Variants in TPRG1 observed in about 807,000 individuals in gnomAD.
TPRG1 encodes the protein tumor protein p63 regulated 1.
Under a neutral mutation model 29.3 loss-of-function variants are expected in TPRG1, and 29 were observed. The ratio of observed to expected loss-of-function variants is 0.99; its 90% CI spans 0.74 to 1.35. TPRG1 has a LOEUF of 1.35. TPRG1 is among the 40% of genes most tolerant of loss of function. The pLI is 0.00. For synonymous variants in TPRG1, 130 were observed against 116.8 expected (o/e 1.11, Z -0.73); for missense variants, 327 against 335.0 (o/e 0.98, Z 0.19).
intron 4 of TPRG1, among the ~76,000 whole-genome samples, chr3:189,248,648 C>G (rs1177627124): frequency 3.3e-5 from 5 of 150,956 alleles, no homozygotes; most frequent in African/African-American, 1.2e-4. Flanking sequence ...TATTATATTT[C>G]ATATATCCTA....
chr3:189,018,668 G>A (rs1354091545), intron 3 of TPRG1, among the ~76,000 whole-genome samples: 2 of 151,426 alleles, frequency 1.3e-5, no homozygotes, highest in East Asian at 1.9e-4. Context: ...GTAGTGTGAT[G>A]CCTCCAGCTT....
chr3:189,076,923 CATAT>C (rs150949911), intron 4 of TPRG1, among the ~76,000 whole-genome samples: 13 of 140,624 alleles, frequency 9.2e-5, no homozygotes, highest in Admixed American at 4.2e-4. Flanking sequence ...TATATGTGTA[CATAT>C]ATATATATAT....
chr3:189,146,553 CTCTG>C (rs1439446721), intron 3 of TPRG1, among the ~76,000 whole-genome samples: 3 of 152,220 alleles, frequency 2.0e-5, no homozygotes, highest in African/African-American at 7.2e-5. Context: ...CGCCTTCCCA[CTCTG>C]TCTGTTGTAT....
chr3:189,196,704 G>A lies in TPRG1; in HGVS notation c.-9-10672G>A, dbSNP rs182972776. Among the ~76,000 whole-genome samples the A allele has an allele frequency of 5.9e-3, 901 of 152,178 alleles. 10 individuals carry two copies. Among genetic ancestry groups the A allele is most frequent in the African/African-American group, 0.019 (790 of 41,540 alleles). On this transcript the variant is annotated intron_variant, in intron 1 of 5. Transcript: ENST00000345063. ...CAATTCAAGATGAGATTTGGGTGGG[G>A]ACACAGCCAAATCATATCACACTGG... is the stretch of plus-strand genomic sequence containing the variant.
intron 1 of TPRG1, among the ~76,000 whole-genome samples, chr3:189,187,140 C>T (rs1468480880): frequency 6.6e-6 from 1 of 151,890 alleles, no homozygotes; most frequent in Non-Finnish European, 1.5e-5. Flanking sequence ...ATTCGCACCA[C>T]CACACTTGGC....
chr3:189,079,504 G>A (rs1350280360), intron 4 of TPRG1, among the ~76,000 whole-genome samples: 1 of 152,084 alleles, frequency 6.6e-6, no homozygotes, highest in Non-Finnish European at 1.5e-5. Flanking sequence ...CTGAATAAAT[G>A]ATTTTACTTT....
intron 5 of TPRG1, among the ~76,000 whole-genome samples, chr3:189,159,881 G>T (rs1727246801): frequency 7.5e-6 from 1 of 133,128 alleles, no homozygotes; most frequent in African/African-American, 2.6e-5. Context: ...GGTGGGGGTA[G>T]GGGTTCACGA....
At chr3:189,217,847 C>A in intron 3 of TPRG1, 3 of 985,290 alleles carry the variant, frequency 3.0e-6, no homozygotes, top group South Asian at 9.4e-5. Context: ...CATATTTAAG[C>A]CTTTTTGTTT....
intron 4 of TPRG1, among the ~76,000 whole-genome samples, chr3:189,301,128 T>G (rs1402541415): frequency 1.3e-5 from 2 of 151,568 alleles, no homozygotes; most frequent in African/African-American, 4.8e-5. Flanking sequence ...AAACCCTGTC[T>G]CTACTAAAAA....
intron 3 of TPRG1, among the ~76,000 whole-genome samples, chr3:189,006,052 A>G (rs1712269360): frequency 1.3e-5 from 2 of 152,052 alleles, no homozygotes; most frequent in Admixed American, 6.6e-5. Context: ...CTAACTCTCA[A>G]AATAACCCTT....
chr3:189,287,281 C>G (rs1718212684), intron 4 of TPRG1, among the ~76,000 whole-genome samples: 1 of 151,976 alleles, frequency 6.6e-6, no homozygotes, highest in Non-Finnish European at 1.5e-5. Flanking sequence ...ATTGTCCAGA[C>G]AATGTTGCAC....
intron 3 of TPRG1, among the ~76,000 whole-genome samples, chr3:189,015,743 C>T (rs1712897217): frequency 6.6e-6 from 1 of 152,152 alleles, no homozygotes; most frequent in Non-Finnish European, 1.5e-5. Context: ...GGGTGCAAGC[C>T]CCCCAGACCT....
chr3:189,025,559 G>C (rs1211241983), intron 4 of TPRG1, among the ~76,000 whole-genome samples: 1 of 152,166 alleles, frequency 6.6e-6, no homozygotes, highest in Non-Finnish European at 1.5e-5. Context: ...CAACTGGCTT[G>C]TGGATGTATC....
chr3:189,061,183 C>T (rs1716080948), intron 4 of TPRG1, among the ~76,000 whole-genome samples: 1 of 152,272 alleles, frequency 6.6e-6, no homozygotes, highest in South Asian at 2.1e-4. Flanking sequence ...CTGACAAAAA[C>T]AAGCAATGAG....
chr3:189,293,974 A>G (rs941906164), intron 4 of TPRG1, among the ~76,000 whole-genome samples: 37 of 152,128 alleles, frequency 2.4e-4, no homozygotes, highest in African/African-American at 8.7e-4. Context: ...ATCTTCTACT[A>G]CCTGTCTGCA....
intron 5 of TPRG1, among the ~76,000 whole-genome samples, chr3:189,312,069 A>G (rs903556728): frequency 2.0e-5 from 3 of 150,570 alleles, no homozygotes; most frequent in African/African-American, 7.5e-5. Context: ...TTAACAATGC[A>G]GAACACTTTA....
chr3:189,186,461 G>GT (rs1341407719), intron 1 of TPRG1, among the ~76,000 whole-genome samples: 1 of 152,102 alleles, frequency 6.6e-6, no homozygotes, highest in Non-Finnish European at 1.5e-5. Flanking sequence ...CTAGTAACTT[G>GT]TTTTTTCTGA....
At chr3:189,054,803 A>G (rs528339694) in intron 4 of TPRG1, among the ~76,000 whole-genome samples, 1 of 152,282 alleles carries the variant, frequency 6.6e-6, no homozygotes, top group African/African-American at 2.4e-5. Context: ...ATCACTGATT[A>G]TATATAACCA....
At chr3:189,019,699 TG>T (rs1452953534) in intron 3 of TPRG1, among the ~76,000 whole-genome samples, 1 of 151,948 alleles carries the variant, frequency 6.6e-6, no homozygotes, top group African/African-American at 2.4e-5. Flanking sequence ...TTCTCTTTTT[TG>T]GTTGTGTCTC....
Sources: allele counts gnomAD v4.1 joint callset (sites outside exome capture counted in the v4.1 genomes callset), GRCh38; gene constraint gnomAD v4.1.1; transcripts MANE v1.5; gene names NCBI Gene and HGNC (gene_info 2026-07-23, HGNC 2026-07-21).